The following CMSS1 variants were observed in gnomAD, a reference collection of about 807,000 sequenced individuals.
The protein encoded by CMSS1 is cms1 ribosomal small subunit homolog.
In CMSS1, 33 loss-of-function variants were observed where a neutral mutation model predicts 43.5. That is an observed-to-expected ratio of 0.76 (90% confidence interval 0.57 to 1.01). The LOEUF (loss-of-function observed/expected upper bound fraction) is 1.01. CMSS1 is among the 50% of genes least tolerant of loss of function. The pLI is 0.00. For synonymous variants in CMSS1, 115 were observed against 117.2 expected (o/e 0.98, Z 0.12); for missense variants, 313 against 326.4 (o/e 0.96, Z 0.32).
At chr3:99,892,651 G>T (rs1576552479) in intron 1 of CMSS1, among the ~76,000 whole-genome samples, 1 of 152,120 alleles carries the variant, frequency 6.6e-6, no homozygotes, top group African/African-American at 2.4e-5. Flanking sequence ...GGTGGAGAAG[G>T]TGCCATCTCT....
intron 7 of CMSS1, 80 bp from the exon 8 acceptor site, chr3:100,172,236 A>C: frequency 7.9e-7 from 1 of 1,264,250 alleles, no homozygotes; most frequent in Non-Finnish European, 1.1e-6. Flanking sequence ...CTTAACTTTG[A>C]GATAAAATGT....
intron 1 of CMSS1, among the ~76,000 whole-genome samples, chr3:100,016,059 A>T (rs1213018800): frequency 6.6e-6 from 1 of 152,150 alleles, no homozygotes; most frequent in East Asian, 1.9e-4. Flanking sequence ...ATGACCCAAG[A>T]TTATTATTCA....
chr3:100,081,240 A>G (rs1265966875), intron 1 of CMSS1, among the ~76,000 whole-genome samples: 1 of 152,218 alleles, frequency 6.6e-6, no homozygotes, highest in East Asian at 1.9e-4. Flanking sequence ...TGTTCAAGAG[A>G]TAAATCATCT....
intron 1 of CMSS1, among the ~76,000 whole-genome samples, chr3:100,111,154 A>G (rs2066484114): frequency 6.6e-6 from 1 of 152,180 alleles, no homozygotes; most frequent in Non-Finnish European, 1.5e-5. Context: ...TGAATTTTCA[A>G]GGGCCAGAAG....
At chr3:99,993,471 C>T (rs1233210290) in intron 1 of CMSS1, among the ~76,000 whole-genome samples, 1 of 152,032 alleles carries the variant, frequency 6.6e-6, no homozygotes, top group African/African-American at 2.4e-5. Context: ...CCTCTTATTT[C>T]TTTCTCTTAC....
intron 1 of CMSS1, among the ~76,000 whole-genome samples, chr3:100,111,981 G>T (rs1424535803): frequency 6.6e-6 from 1 of 152,178 alleles, no homozygotes. Context: ...GGCATCTGGA[G>T]ACCATGTTTG....
At position 100,057,102 on chromosome 3, in the gene CMSS1, G is replaced by C. The variant is rs74479499; in HGVS notation, c.65-89871G>C. On this transcript the variant is annotated intron_variant, in intron 1 of 9. Transcript: ENST00000421999. ...AGGCTCAGGGCAGGAGATTTTAATG[G>C]AAAGTCCTGGACCTGCAGTCAGAGA... Among the ~76,000 whole-genome samples the C allele has an allele frequency of 6.7e-3, 1,028 of 152,330 alleles. 15 individuals are homozygous for C. Among genetic ancestry groups the C allele is most frequent in the African/African-American group, 0.023 (974 of 41,570 alleles).
intron 1 of CMSS1, among the ~76,000 whole-genome samples, chr3:100,081,682 T>A (rs965330048): frequency 3.3e-5 from 5 of 152,226 alleles, no homozygotes; most frequent in Non-Finnish European, 7.3e-5. Flanking sequence ...AGGGATTTTT[T>A]AAAATATATC....
At chr3:100,054,386 G>A (rs2065424869) in intron 1 of CMSS1, among the ~76,000 whole-genome samples, 1 of 152,172 alleles carries the variant, frequency 6.6e-6, no homozygotes. Flanking sequence ...CATTCTTGTA[G>A]CTGGCCAGAG....
intron 1 of CMSS1, among the ~76,000 whole-genome samples, chr3:100,143,477 T>C (rs1274359582): frequency 6.6e-6 from 1 of 152,222 alleles, no homozygotes; most frequent in Non-Finnish European, 1.5e-5. Flanking sequence ...ATATAGTCTG[T>C]CTTGGTAGAC....
intron 1 of CMSS1, chr3:99,850,022 C>A (rs376021359): frequency 1.9e-6 from 3 of 1,607,160 alleles, no homozygotes; most frequent in East Asian, 2.2e-5. Flanking sequence ...TCTTCTACAT[C>A]GGTTTTGGAC....
chr3:100,115,575 GTCTCTCTCTCTCTCTCTCTCTCTCTCTC>G (rs66793218), intron 1 of CMSS1, among the ~76,000 whole-genome samples: 2,311 of 98,056 alleles, frequency 0.024, 57 homozygotes, highest in African/African-American at 0.08. Flanking sequence ...CTCTCTCTCT[GTCTCTCTCTCTCTCTCTCTCTCTCTCTC>G]TCTCTCTCTC....
intron 1 of CMSS1, chr3:100,040,932 A>T (rs1401963553): frequency 6.6e-6 from 1 of 152,232 alleles, no homozygotes; most frequent in Non-Finnish European, 1.5e-5. Context: ...TCTCATTTTA[A>T]AAAGAAAAAG....
chr3:99,987,091 G>A (rs1020246483), intron 1 of CMSS1, among the ~76,000 whole-genome samples: 1 of 151,968 alleles, frequency 6.6e-6, no homozygotes, highest in African/African-American at 2.4e-5. Context: ...TTAGCCAACC[G>A]TGGTGGCATG....
Position 100,176,432 on chromosome 3 carries a change from A to T in CMSS1, c.756+17A>T. 2 of 1,544,464 alleles carry T rather than the reference A, an allele frequency of 1.3e-6. 1 individual carries two copies. Among genetic ancestry groups the T allele is most frequent in the South Asian group, 2.2e-5 (2 of 89,072 alleles). On this transcript the variant is annotated intron_variant, in intron 9 of 9. Coordinates refer to ENST00000421999, the MANE Select transcript of CMSS1 (RefSeq NM_032359.4). ...ATTCCCGAGGTACCACGTAACCAGC[A>T]GTTGCCTTTAATCATTTTTTCTCTA...
intron 1 of CMSS1, among the ~76,000 whole-genome samples, chr3:99,839,746 G>A (rs1048590867): frequency 1.3e-5 from 2 of 152,176 alleles, no homozygotes; most frequent in Non-Finnish European, 2.9e-5. Flanking sequence ...CATGCTCTCA[G>A]CCAGTCTGTC....
chr3:100,151,518 C>G (rs1047694836), intron 2 of CMSS1, among the ~76,000 whole-genome samples: 2 of 152,152 alleles, frequency 1.3e-5, no homozygotes, highest in African/African-American at 4.8e-5. Context: ...GTTGCAGTTG[C>G]CTTTCCCCAG....
chr3:99,991,836 A>ATGTGTG (rs112596171), intron 1 of CMSS1, among the ~76,000 whole-genome samples: 130 of 143,494 alleles, frequency 9.1e-4, no homozygotes, highest in African/African-American at 2.2e-3. Flanking sequence ...ATATATATAT[A>ATGTGTG]TGTGTGTGTG....
intron 1 of CMSS1, among the ~76,000 whole-genome samples, chr3:99,998,675 G>A (rs541423946): frequency 4.6e-5 from 7 of 152,242 alleles, no homozygotes; most frequent in East Asian, 1.9e-4. Context: ...CGATTCTCCC[G>A]CCTCAGCCTC....
Sources: allele counts gnomAD v4.1 joint callset (sites outside exome capture counted in the v4.1 genomes callset), GRCh38; gene constraint gnomAD v4.1.1; transcripts MANE v1.5; gene names NCBI Gene and HGNC (gene_info 2026-07-23, HGNC 2026-07-21).